HK1: variants seen among roughly 807,000 people sequenced by gnomAD.
HK1 encodes hexokinase-1.
Under a neutral mutation model 91.6 loss-of-function variants are expected in HK1, and 28 were observed. That is an observed-to-expected ratio of 0.31 (90% CI 0.23 to 0.42). The LOEUF (loss-of-function observed/expected upper bound fraction) is 0.42. Ranked by LOEUF, HK1 falls within the 10% of genes least tolerant of loss-of-function variation. The probability of loss-of-function intolerance (pLI) is 1.00; values close to 1 mark genes in which losing one functional copy is unlikely to be tolerated. For missense variants in HK1, 770 were observed against 1,219.8 expected (o/e 0.63, Z 5.49); for synonymous variants, 430 against 468.1 (o/e 0.92, Z 1.05).
chr10:69,331,154 A>G (rs1021900975), intron 1 of HK1, among the ~76,000 whole-genome samples: 3 of 152,204 alleles, frequency 2.0e-5, no homozygotes, highest in Non-Finnish European at 4.4e-5. Context: ...TGCTGGGATC[A>G]CAGGCATGAG....
chr10:69,289,343 G>A (rs1845177257), intron 3 of HK1, among the ~76,000 whole-genome samples: 1 of 151,772 alleles, frequency 6.6e-6, no homozygotes, highest in Non-Finnish European at 1.5e-5. Flanking sequence ...GTTATGCTGT[G>A]AAGTCATCAG....
intron 1 of HK1, among the ~76,000 whole-genome samples, chr10:69,272,628 T>C (rs74138348): frequency 0.031 from 4,555 of 149,296 alleles, 223 homozygotes; most frequent in African/African-American, 0.11. Flanking sequence ...AAGTCAGTTA[T>C]AATTCTTATT....
intron 2 of HK1, 36 bp from the exon 3 acceptor site, chr10:69,359,861 T>C: frequency 6.2e-7 from 1 of 1,609,808 alleles, no homozygotes; most frequent in Non-Finnish European, 8.5e-7. Flanking sequence ...CCTTAACATT[T>C]GAATCTCATG....
chr10:69,318,025 G>T, upstream of HK1: 1 of 985,160 alleles, frequency 1.0e-6, no homozygotes, highest in Non-Finnish European at 1.2e-6. Context: ...ATGCCCAAGA[G>T]CAAGAGGAGG....
At chr10:69,378,861 T>C (rs978593443) in intron 8 of HK1, among the ~76,000 whole-genome samples, 2 of 152,210 alleles carry the variant, frequency 1.3e-5, no homozygotes, top group African/African-American at 2.4e-5. Flanking sequence ...TCCTTTCCTT[T>C]TTTGGTCTTT....
intron 4 of HK1, chr10:69,300,425 A>C: frequency 1.4e-6 from 1 of 697,364 alleles, no homozygotes; most frequent in South Asian, 1.6e-5. Context: ...TATGTATAAC[A>C]TCTCTAGAAA....
intron 5 of HK1, among the ~76,000 whole-genome samples, chr10:69,303,216 TG>T (rs1845963149): frequency 6.6e-6 from 1 of 152,124 alleles, no homozygotes; most frequent in African/African-American, 2.4e-5. Flanking sequence ...GAGGCTGATA[TG>T]GGGCAGCTTG....
At chr10:69,383,610 T>C (rs1839497254) in intron 10 of HK1, among the ~76,000 whole-genome samples, 1 of 152,266 alleles carries the variant, frequency 6.6e-6, no homozygotes, top group Non-Finnish European at 1.5e-5. Flanking sequence ...AGGGCCAGGA[T>C]TGGCTGACCT....
chr10:69,286,579 G>A (rs1029147384), intron 2 of HK1, among the ~76,000 whole-genome samples: 1 of 149,504 alleles, frequency 6.7e-6, no homozygotes, highest in Non-Finnish European at 1.5e-5. Flanking sequence ...ATGGAGTTTC[G>A]CTCTCGTTGT....
Position 69,364,738 on chromosome 10 carries a change from T to A in HK1, c.376-45T>A, listed in dbSNP as rs370317498. The A allele has an allele frequency of 1.2e-3, 1,871 of 1,613,218 alleles. 2 individuals carry two copies. The highest frequency in any genetic ancestry group is 1.5e-3 in the Non-Finnish European group (1,710 of 1,179,166). On this transcript the variant is annotated intron_variant, in intron 3 of 17. Coordinates refer to ENST00000359426, the MANE Select transcript of HK1 (RefSeq NM_000188.3). ...TGGTTTATATTTTTCTATGAAATGC[T>A]AAGCCTGCTTTGGGGCCCCCTGACT...
intron 2 of HK1, chr10:69,288,538 G>A (rs955235145): frequency 3.1e-5 from 20 of 639,002 alleles, no homozygotes; most frequent in South Asian, 2.1e-4. Flanking sequence ...CTGGGTTTAC[G>A]AATACTCTAG....
At chr10:69,364,509 T>A (rs1849595849) in intron 3 of HK1, among the ~76,000 whole-genome samples, 2 of 152,160 alleles carry the variant, frequency 1.3e-5, no homozygotes, top group South Asian at 4.1e-4. Flanking sequence ...AGATGTTGCA[T>A]ATTAGTGACC....
chr10:69,338,546 G>A, intron 1 of HK1: 4 of 1,289,798 alleles, frequency 3.1e-6, no homozygotes, highest in Non-Finnish European at 4.0e-6. Flanking sequence ...AAGTGGTGCT[G>A]TGCGGTGTCC....
chr10:69,350,523 G>A (rs1400642566), intron 2 of HK1, among the ~76,000 whole-genome samples: 3 of 152,030 alleles, frequency 2.0e-5, no homozygotes, highest in Middle Eastern at 3.4e-3. Flanking sequence ...TTAGTTGGGC[G>A]TGGTGGTGCA....
intron 10 of HK1, among the ~76,000 whole-genome samples, chr10:69,383,549 G>A (rs766113945): frequency 1.3e-5 from 2 of 152,222 alleles, no homozygotes; most frequent in African/African-American, 2.4e-5. Context: ...AAACAACCAC[G>A]CTTTATTATT....
intron 5 of HK1, among the ~76,000 whole-genome samples, chr10:69,304,490 T>C (rs1846020005): frequency 6.6e-6 from 1 of 152,106 alleles, no homozygotes; most frequent in Non-Finnish European, 1.5e-5. Context: ...GTATTTTTAG[T>C]AGAAGCAGCG....
intron 12 of HK1, among the ~76,000 whole-genome samples, chr10:69,385,644 C>A (rs972513715): frequency 3.2e-4 from 49 of 152,292 alleles, no homozygotes; most frequent in Middle Eastern, 3.4e-3. Context: ...GGAGGTGGGT[C>A]TTAGGCCAGG....
intron 5 of HK1, chr10:69,300,887 AC>A: frequency 8.9e-7 from 1 of 1,125,726 alleles, no homozygotes; most frequent in Non-Finnish European, 1.3e-6. Flanking sequence ...TGGAATACCC[AC>A]AAAAACCTAT....
intron 1 of HK1, among the ~76,000 whole-genome samples, chr10:69,281,581 T>C (rs1844752144): frequency 6.6e-6 from 1 of 152,208 alleles, no homozygotes; most frequent in Admixed American, 6.5e-5. Context: ...ATGTTGTGGC[T>C]TCCTATACTT....
Sources: gnomAD v4.1 joint callset for allele counts (sites outside exome capture counted in the v4.1 genomes callset) on GRCh38, gnomAD v4.1.1 for gene constraint, MANE v1.5 for transcripts, NCBI Gene and HGNC (gene_info 2026-07-23, HGNC 2026-07-21) for gene names.